The following AGBL4 variants were observed in gnomAD, a reference collection of about 807,000 sequenced individuals.
AGBL4 encodes the protein cytosolic carboxypeptidase 6.
A neutral mutation model predicts 66.4 loss-of-function variants in AGBL4; 58 were observed. The ratio of observed to expected loss-of-function variants is 0.87; its 90% confidence interval spans 0.71 to 1.09. The LOEUF is 1.09. Ranked by LOEUF, AGBL4 falls within the 50% of genes least tolerant of loss-of-function variation. The probability of loss-of-function intolerance (pLI) is 0.00; values close to 1 mark genes in which losing one functional copy is unlikely to be tolerated. For missense variants in AGBL4, 579 were observed against 631.0 expected (o/e 0.92, Z 0.88); for synonymous variants, 234 against 222.9 (o/e 1.05, Z -0.44).
intron 9 of AGBL4, among the ~76,000 whole-genome samples, chr1:48,599,452 C>T (rs1400363831): frequency 6.6e-6 from 1 of 152,134 alleles, no homozygotes; most frequent in Non-Finnish European, 1.5e-5. Flanking sequence ...TGTGATGTCA[C>T]CAGGTGACAG....
intron 3 of AGBL4, among the ~76,000 whole-genome samples, chr1:49,310,917 T>C (rs1449773535): frequency 6.6e-6 from 1 of 152,048 alleles, no homozygotes; most frequent in Non-Finnish European, 1.5e-5. Context: ...TACAAAGCCA[T>C]ATAGTGCATA....
intron 3 of AGBL4, among the ~76,000 whole-genome samples, chr1:49,468,393 G>A (rs1646671884): frequency 6.6e-6 from 1 of 151,708 alleles, no homozygotes; most frequent in Admixed American, 6.6e-5. Flanking sequence ...TAATCCTGAA[G>A]GATACAATCC....
chr1:48,821,475 A>C (rs769076834), intron 6 of AGBL4, among the ~76,000 whole-genome samples: 15 of 152,194 alleles, frequency 9.9e-5, no homozygotes, highest in Non-Finnish European at 1.6e-4. Context: ...CATATTCCTA[A>C]GTGAAATAAC....
intron 4 of AGBL4, among the ~76,000 whole-genome samples, chr1:49,225,420 C>G (rs957392679): frequency 2.0e-5 from 3 of 152,166 alleles, no homozygotes; most frequent in African/African-American, 7.2e-5. Flanking sequence ...CGCTATTTAG[C>G]TTGCTCCAGT....
At chr1:49,299,178 A>G (rs1023451738) in intron 3 of AGBL4, among the ~76,000 whole-genome samples, 11 of 152,216 alleles carry the variant, frequency 7.2e-5, no homozygotes, top group African/African-American at 1.9e-4. Context: ...GTAACTTGGC[A>G]TAGGTTATAA....
chr1:50,008,335 A>T (rs2148431510), intron 1 of AGBL4, among the ~76,000 whole-genome samples: 1 of 152,334 alleles, frequency 6.6e-6, no homozygotes, highest in South Asian at 2.1e-4. Flanking sequence ...GAACACAGGG[A>T]ATAAAACTAG....
At chr1:49,283,252 C>T (rs1468808384) in intron 3 of AGBL4, among the ~76,000 whole-genome samples, 1 of 152,174 alleles carries the variant, frequency 6.6e-6, no homozygotes, top group East Asian at 1.9e-4. Context: ...CACCCCCAAG[C>T]AGGGGCACAC....
At chr1:49,729,010 C>A (rs1189797110) in intron 2 of AGBL4, among the ~76,000 whole-genome samples, 1 of 152,118 alleles carries the variant, frequency 6.6e-6, no homozygotes, top group Non-Finnish European at 1.5e-5. Context: ...TCCTAATGTA[C>A]CTCTCTCCAT....
chr1:49,092,489 A>G (rs116042819), intron 4 of AGBL4, among the ~76,000 whole-genome samples: 1,573 of 152,168 alleles, frequency 0.01, 23 homozygotes, highest in African/African-American at 0.036. Context: ...TACCTTTTCA[A>G]TTTATTCCTT....
chr1:49,407,627 G>C (rs565527562), intron 3 of AGBL4, among the ~76,000 whole-genome samples: 1 of 152,130 alleles, frequency 6.6e-6, no homozygotes, highest in African/African-American at 2.4e-5. Context: ...AAGCAAAGTT[G>C]AATTCTCTCA....
Position 48,904,146 on chromosome 1 carries a change from G to A in AGBL4, c.595-36916C>T, listed in dbSNP as rs143495837. Among the ~76,000 whole-genome samples, 228 of 150,780 alleles carry A rather than the reference G, an allele frequency of 1.5e-3. 8 individuals carry two copies. The East Asian group carries it at 0.041, about 27-fold the overall frequency. On this transcript the variant is annotated intron_variant, in intron 5 of 13. Coordinates refer to ENST00000371839, the MANE Select transcript of AGBL4 (RefSeq NM_032785.4). ...ATACAAAAATTAACTGGGTGTAGTG[G>A]TGGGCGCCTGTAATCCCAGCTACTC...
Position 48,736,124 on chromosome 1 carries a change from A to C in AGBL4, c.635-72883T>G. The C allele has an allele frequency of 8.3e-7, 1 of 1,211,758 alleles. No homozygotes were observed. Among genetic ancestry groups the C allele is most frequent in the South Asian group, 1.4e-5 (1 of 73,534 alleles). The allele number at this position is 1,211,758 out of a possible 1,614,324, so 75.1% of individuals were successfully genotyped here. A position where few individuals can be genotyped will look rare whatever the true frequency, so the allele number is the denominator to read the frequency against. Reference sequence around the variant, plus strand: ...CGCTTGGTGTCCCCGGGCTCAGCCCAGGGTCTGGCATGCAGAAGCTTCATA... The same window carrying C: ...CGCTTGGTGTCCCCGGGCTCAGCCCCGGGTCTGGCATGCAGAAGCTTCATA... On this transcript the variant is annotated intron_variant, in intron 6 of 13. Coordinates refer to ENST00000371839, the MANE Select transcript of AGBL4 (RefSeq NM_032785.4). This position sits in a 1 kb window ranked among gnomAD's most constrained non-coding sequence, Gnocchi z 4.0.
chr1:48,822,961 T>G (rs190994728), intron 6 of AGBL4, among the ~76,000 whole-genome samples: 1 of 152,362 alleles, frequency 6.6e-6, no homozygotes, highest in East Asian at 1.9e-4. Flanking sequence ...ATTTGAGAGA[T>G]AGAATGCAAA....
chr1:48,848,537 A>G (rs1334244816), intron 6 of AGBL4, among the ~76,000 whole-genome samples: 1 of 152,222 alleles, frequency 6.6e-6, no homozygotes, highest in Non-Finnish European at 1.5e-5. Context: ...AAATAACAGA[A>G]CAAAAGTTAA....
At chr1:48,708,442 T>C (rs1646913546) in intron 6 of AGBL4, among the ~76,000 whole-genome samples, 1 of 152,020 alleles carries the variant, frequency 6.6e-6, no homozygotes, top group Admixed American at 6.6e-5. Context: ...TGGGAGGGCA[T>C]CTCAGGCAGA....
Position 48,591,114 on chromosome 1 carries a change from A to G in AGBL4, c.952-129T>C, listed in dbSNP as rs990628584. On this transcript the variant is annotated intron_variant, in intron 9 of 13. Coordinates refer to ENST00000371839, the MANE Select transcript of AGBL4 (RefSeq NM_032785.4). ...CACCCCCCCCCACACACACACACAC[A>G]TCAAGCTGACCCTGTGTGTCAGCAG... 29 of 720,490 alleles carry G rather than the reference A, an allele frequency of 4.0e-5. No homozygotes were observed. The African/African-American group carries it at 6.4e-4, about 16-fold the overall frequency. The allele number at this position is 720,490 out of a possible 1,614,324, so 44.6% of individuals were successfully genotyped here. A position where few individuals can be genotyped will look rare whatever the true frequency, so the allele number is the denominator to read the frequency against.
chr1:49,787,725 G>C (rs947060031), intron 2 of AGBL4, among the ~76,000 whole-genome samples: 1 of 152,146 alleles, frequency 6.6e-6, no homozygotes, highest in East Asian at 1.9e-4. Flanking sequence ...ACGGGGTGAA[G>C]TCTGGAGAAA....
intron 4 of AGBL4, among the ~76,000 whole-genome samples, chr1:49,245,457 G>A (rs1053740703): frequency 1.3e-5 from 2 of 151,230 alleles, no homozygotes; most frequent in Non-Finnish European, 3.0e-5. Context: ...AACAGGACAG[G>A]AAGCTTACCA....
intron 3 of AGBL4, among the ~76,000 whole-genome samples, chr1:49,548,996 C>T (rs1652734688): frequency 2.0e-5 from 3 of 151,942 alleles, no homozygotes; most frequent in Admixed American, 6.6e-5. Context: ...CTGATTTAAG[C>T]TAGGAGTGTT....
Sources: gnomAD v4.1 joint callset for allele counts (sites outside exome capture counted in the v4.1 genomes callset) on GRCh38, gnomAD v4.1.1 for gene constraint, Gnocchi (gnomAD v3.1) non-coding constraint, MANE v1.5 for transcripts, NCBI Gene and HGNC (gene_info 2026-07-23, HGNC 2026-07-21) for gene names.